The following GIGYF2 variants were observed in gnomAD, a reference collection of about 807,000 sequenced individuals.
GIGYF2 encodes the protein GRB10 interacting GYF protein 2.
A neutral mutation model predicts 208.1 loss-of-function variants in GIGYF2; 25 were observed. The observed-to-expected ratio is 0.12, with a 90% confidence interval of 0.09 to 0.17. The LOEUF is 0.17. Among genes scored for constraint, GIGYF2 ranks in the 10% least tolerant of loss-of-function variants. The pLI is 1.00. For missense variants in GIGYF2, 1,302 were observed against 1,579.4 expected (o/e 0.82, Z 2.98); for synonymous variants, 534 against 543.8 (o/e 0.98, Z 0.25).
Position 232,815,620 on chromosome 2 carries a change from C to G in GIGYF2, c.2108-17C>G, listed in dbSNP as rs773528735. On this transcript the variant is annotated splice_polypyrimidine_tract_variant and intron_variant, in intron 18 of 28. Coordinates refer to ENST00000373563, the MANE Select transcript of GIGYF2 (RefSeq NM_001103146.3). ...TAAGCTCTGTCATTCCTCGTTGTTT[C>G]TTTTGTTGTCTTACAGTTTGGGAAG... is the stretch of plus-strand genomic sequence containing the variant. The G allele has an allele frequency of 1.5e-6, 2 of 1,319,068 alleles. No individual in the cohort carries two copies. The highest frequency in any genetic ancestry group is 2.2e-6 in the Non-Finnish European group (2 of 910,636). The allele number at this position is 1,319,068 out of a possible 1,614,324, so 81.7% of individuals were successfully genotyped here.
chr2:232,733,812 G>T (rs1019167113), intron 2 of GIGYF2, among the ~76,000 whole-genome samples: 4 of 152,108 alleles, frequency 2.6e-5, no homozygotes, highest in African/African-American at 9.7e-5. Context: ...GTAAATAGTT[G>T]TTCTGCTGTA....
At position 232,838,151 on chromosome 2, in the gene GIGYF2, G is replaced by A. The variant is rs1455282185; in HGVS notation, c.2767-1698G>A. On this transcript the variant is annotated intron_variant, in intron 22 of 28. Coordinates refer to ENST00000373563, the MANE Select transcript of GIGYF2 (RefSeq NM_001103146.3). ...AAATGAAAGCTATCAGCAGACATAAGTCTATATAAGGAAGACTTAACTTTG... is the reference window on the plus strand; with the variant it reads ...AAATGAAAGCTATCAGCAGACATAAATCTATATAAGGAAGACTTAACTTTG... 2.0e-5 allele frequency among the ~76,000 whole-genome samples: 3 copies of A among 152,082 alleles called. No individual in the cohort carries two copies. The East Asian group carries it at 5.8e-4, about 29-fold the overall frequency.
At chr2:232,782,889 T>A (rs1425452598) in intron 8 of GIGYF2, 1 of 152,196 alleles carries the variant, frequency 6.6e-6, no homozygotes, top group East Asian at 1.9e-4. Flanking sequence ...CGCATGAAGA[T>A]TTTTGAGGCT....
chr2:232,822,237 C>T (rs1019089384), intron 21 of GIGYF2, among the ~76,000 whole-genome samples: 4 of 152,150 alleles, frequency 2.6e-5, no homozygotes, highest in African/African-American at 9.7e-5. Context: ...TATACTGAGG[C>T]TTCCAGGCAA....
chr2:232,731,882 TA>T (rs35550286), intron 2 of GIGYF2, among the ~76,000 whole-genome samples: 1 of 152,086 alleles, frequency 6.6e-6, no homozygotes, highest in African/African-American at 2.4e-5. Flanking sequence ...TTATATTTTT[TA>T]AAAAAGCTCT....
intron 20 of GIGYF2, among the ~76,000 whole-genome samples, chr2:232,818,590 G>A (rs1484273920): frequency 1.3e-5 from 2 of 152,016 alleles, no homozygotes; most frequent in African/African-American, 2.4e-5. Context: ...GAGTATAAAT[G>A]TGTGGATTTA....
chr2:232,796,909 A>T (rs1182344510), intron 14 of GIGYF2, among the ~76,000 whole-genome samples: 1 of 152,192 alleles, frequency 6.6e-6, no homozygotes, highest in African/African-American at 2.4e-5. Context: ...TATGACAGGG[A>T]TAATATTTAA....
At chr2:232,855,087 T>C (rs1490407433) in intron 28 of GIGYF2, among the ~76,000 whole-genome samples, 4 of 100,874 alleles carry the variant, frequency 4.0e-5, no homozygotes, top group African/African-American at 8.7e-5. Context: ...TTTCTTTTTT[T>C]TTTTTTTTTT....
intron 21 of GIGYF2, among the ~76,000 whole-genome samples, chr2:232,821,509 A>C (rs112569864): frequency 6.6e-6 from 1 of 152,098 alleles, no homozygotes; most frequent in African/African-American, 2.4e-5. Flanking sequence ...ATAATGTCCA[A>C]TTTATCTATT....
chr2:232,804,340 G>T (rs1460385825), intron 14 of GIGYF2, among the ~76,000 whole-genome samples: 1 of 147,470 alleles, frequency 6.8e-6, no homozygotes, highest in African/African-American at 2.5e-5. Flanking sequence ...GTAGTTTTCA[G>T]CATGCATTCT....
At chr2:232,846,136 G>A (rs2106426658) in intron 26 of GIGYF2, among the ~76,000 whole-genome samples, 1 of 152,274 alleles carries the variant, frequency 6.6e-6, no homozygotes, top group African/African-American at 2.4e-5. Flanking sequence ...ATGATACACA[G>A]GACAGAGGAG....
intron 5 of GIGYF2, among the ~76,000 whole-genome samples, chr2:232,752,601 C>T (rs766377481): frequency 2.6e-5 from 4 of 151,700 alleles, no homozygotes; most frequent in Non-Finnish European, 4.4e-5. Context: ...AGTGCAGTGG[C>T]GCGATCTCGG....
At chr2:232,741,499 G>T (rs572638187) in intron 3 of GIGYF2, among the ~76,000 whole-genome samples, 5 of 151,674 alleles carry the variant, frequency 3.3e-5, no homozygotes, top group South Asian at 2.1e-4. Flanking sequence ...CTGCGGTGCA[G>T]TGGTGTGATC....
rs917487055 is a variant in GIGYF2, at chr2:232,790,864, T to C, written c.879T>C (p.Ala293=). 3.7e-6 allele frequency: 6 copies of C among 1,614,066 alleles called. No homozygotes were observed. The highest frequency in any genetic ancestry group is 5.1e-6 in the Non-Finnish European group (6 of 1,180,030). ...TGCCCGAATGGTGCTTAGAGGATGC[T>C]GAAGAAGAAATGGGTACATTTGACT... ...DSLPEWCLED[A]EEEMGTFDSS... is the part of the protein sequence containing the mutation. Residue 293 remains alanine, a synonymous_variant, in exon 10 of 29, where the codon GCT becomes GCC. Transcript: ENST00000373563.
At chr2:232,710,020 C>T (rs1165384432) in intron 2 of GIGYF2, among the ~76,000 whole-genome samples, 2 of 151,738 alleles carry the variant, frequency 1.3e-5, no homozygotes, top group African/African-American at 4.8e-5. Flanking sequence ...AGTGCAGTGG[C>T]GTGATCTCAG....
Position 232,856,780 on chromosome 2 carries a change from T to A in GIGYF2, c.3833-13T>A, listed in dbSNP as rs375286613. On this transcript the variant is annotated splice_polypyrimidine_tract_variant and intron_variant, in intron 28 of 28. Transcript: ENST00000373563. ...CTGGGTGTGGTCACTCATAGCCAGTTTTTTTTCTGCAGGATTTTCAGTCAA... is the reference window on the plus strand; with the variant it reads ...CTGGGTGTGGTCACTCATAGCCAGTATTTTTTCTGCAGGATTTTCAGTCAA... 219 of 1,606,776 alleles carry A rather than the reference T, an allele frequency of 1.4e-4. No individual in the cohort carries two copies. The highest frequency in any genetic ancestry group is 1.8e-4 in the Non-Finnish European group (215 of 1,173,390).
chr2:232,857,201 C>T lies in GIGYF2; in HGVS notation c.*341C>T. On this transcript the variant is annotated 3_prime_UTR_variant, in exon 29 of 29. Coordinates refer to ENST00000373563, the MANE Select transcript of GIGYF2 (RefSeq NM_001103146.3). The stretch of plus-strand genomic sequence containing the variant: ...GTGTGTTGGGATCGGCCATTAGCAG[C>T]TTGCTTTCTCTTGTCACTTTTTTTC... 2.6e-6 allele frequency: 1 copy of T among 378,106 alleles called. No individual in the cohort carries two copies. The highest frequency in any genetic ancestry group is 7.8e-4 in the Middle Eastern group (1 of 1,282). The allele number at this position is 378,106 out of a possible 1,614,324, so 23.4% of individuals were successfully genotyped here. A position where few individuals can be genotyped will look rare whatever the true frequency, so the allele number is the denominator to read the frequency against.
chr2:232,702,447 GA>G (rs746092311), intron 1 of GIGYF2, among the ~76,000 whole-genome samples: 2 of 150,798 alleles, frequency 1.3e-5, no homozygotes, highest in East Asian at 3.9e-4. Flanking sequence ...TCCAAAAAAA[GA>G]AAAAAAACTC....
chr2:232,827,269 A>G (rs896934421), intron 21 of GIGYF2, among the ~76,000 whole-genome samples: 10 of 152,064 alleles, frequency 6.6e-5, no homozygotes, highest in African/African-American at 2.4e-4. Context: ...AAACATTTAT[A>G]TGCACCGGGA....
Sources: allele counts gnomAD v4.1 joint callset (sites outside exome capture counted in the v4.1 genomes callset), GRCh38; gene constraint gnomAD v4.1.1; transcripts MANE v1.5; gene names NCBI Gene and HGNC (gene_info 2026-07-23, HGNC 2026-07-21).